Variants in ABI3BP observed in about 807,000 individuals in gnomAD.
ABI3BP encodes target of Nesh-SH3.
ABI3BP carries 216 observed loss-of-function variants against 268.6 expected under a neutral mutation model. The observed-to-expected ratio is 0.80, with a 90% CI of 0.72 to 0.90. The LOEUF is 0.90. Among genes scored for constraint, ABI3BP ranks in the 40% least tolerant of loss-of-function variants. The probability of loss-of-function intolerance (pLI) is 0.00; values close to 1 mark genes in which losing one functional copy is unlikely to be tolerated. For synonymous variants in ABI3BP, 730 were observed against 730.0 expected, an observed-to-expected ratio of 1.00 and a Z score of 0.00; for missense variants, 2,090 against 2,182.4, an observed-to-expected ratio of 0.96 and a Z score of 0.84.
At chr3:100,812,985 A>AATT (rs1388519470) in intron 45 of ABI3BP, among the ~76,000 whole-genome samples, 1 of 152,076 alleles carries the variant, frequency 6.6e-6, no homozygotes, top group African/African-American at 2.4e-5. Flanking sequence ...GGCTCAAGCG[A>AATT]TCCTCCTACC....
At chr3:100,876,442 G>T in intron 7 of ABI3BP, 70 bp downstream of exon 7, 1 of 1,315,352 alleles carries the variant, frequency 7.6e-7, no homozygotes, top group Non-Finnish European at 1.1e-6. Context: ...AATATGTGCC[G>T]TGTTTGATTA....
chr3:100,838,226 C>T lies in ABI3BP; in HGVS notation c.2067G>A (p.Met689Ile), dbSNP rs2098634742. Residue 689 changes from methionine to isoleucine, a missense_variant, in exon 26 of 68, where the codon ATG (methionine) becomes ATA (isoleucine). By Grantham distance (10) the Met-to-Ile change is conservative. Coordinates refer to ENST00000471714, the MANE Select transcript of ABI3BP (RefSeq NM_001375547.2). The part of the protein sequence containing the change: ...PKPQTTAEPD[M>I]PPTKSVSEPV... ...TATGTTTACCGGATTTAGTTGGTGG[C>T]ATGTCTGGTTCTGCTGTGGTTTGGG... The T allele has an allele frequency of 1.3e-6, 2 of 1,536,230 alleles. No individual in the cohort carries two copies. Among genetic ancestry groups the T allele is most frequent in the Non-Finnish European group, 1.7e-6 (2 of 1,146,700 alleles).
rs370968686 is a variant in ABI3BP, at chr3:100,886,164, G to C, written c.621C>G (p.Phe207Leu). 1 of 1,598,250 alleles carries C rather than the reference G, an allele frequency of 6.3e-7. No individual in the cohort carries two copies. Among genetic ancestry groups the C allele is most frequent in the Non-Finnish European group, 8.5e-7 (1 of 1,173,032 alleles). Reference protein sequence around the residue: ...NVEGGIWSKIFNHKTVVGSKK... With the variant: ...NVEGGIWSKILNHKTVVGSKK... ...TACTTCCAACAACAGTCTTGTGATT[G>C]AAAATCTTACTCCAAATTCCACCTT... Residue 207 changes from phenylalanine (F) to leucine (L), a missense_variant, in exon 5 of 68, where the codon TTC (phenylalanine) becomes TTG (leucine). Transcript: ENST00000471714.
intron 4 of ABI3BP, among the ~76,000 whole-genome samples, chr3:100,897,324 C>T (rs1452107024): frequency 6.6e-6 from 1 of 151,960 alleles, no homozygotes; most frequent in African/African-American, 2.4e-5. Context: ...TCAGAAATTC[C>T]ACTTATGTTT....
intron 66 of ABI3BP, 100 bp from the exon 67 acceptor site, chr3:100,751,774 T>C: frequency 3.2e-6 from 4 of 1,240,290 alleles, no homozygotes; most frequent in Non-Finnish European, 4.4e-6. Context: ...CTCCCCTCAT[T>C]CTCTATTACC....
chr3:100,818,434 C>T, intron 41 of ABI3BP, 91 bp downstream of exon 41: 1 of 1,062,920 alleles, frequency 9.4e-7, no homozygotes, highest in South Asian at 1.4e-5. Context: ...CAAAGAATGA[C>T]AGGATGGTCT....
At chr3:100,859,560 AAATAG>A (rs1177106510) in intron 14 of ABI3BP, among the ~76,000 whole-genome samples, 3 of 151,940 alleles carry the variant, frequency 2.0e-5, no homozygotes, top group Non-Finnish European at 4.4e-5. Context: ...ACTAAATGGG[AAATAG>A]AACATTAGTA....
chr3:100,792,555 T>G (rs775717982), intron 55 of ABI3BP, 136 bp downstream of exon 55: 2 of 837,944 alleles, frequency 2.4e-6, no homozygotes, highest in Non-Finnish European at 3.8e-6. Flanking sequence ...ATTTGGCTGA[T>G]TTCTTTCACC....
chr3:100,789,413 C>T, intron 56 of ABI3BP, 41 bp downstream of exon 56: 1 of 1,567,162 alleles, frequency 6.4e-7, no homozygotes, highest in Non-Finnish European at 8.7e-7. Context: ...CATATCTTCC[C>T]CTGCCTGCTG....
intron 1 of ABI3BP, among the ~76,000 whole-genome samples, chr3:100,939,849 C>T (rs1268126266): frequency 6.6e-6 from 1 of 151,962 alleles, no homozygotes; most frequent in Non-Finnish European, 1.5e-5. Context: ...TATTTCACCC[C>T]TAGAGTCTAT....
intron 20 of ABI3BP, chr3:100,843,537 G>A (rs1273751127): frequency 1.2e-6 from 1 of 867,782 alleles, no homozygotes; most frequent in Non-Finnish European, 1.4e-6. Flanking sequence ...GTGTGTGTGT[G>A]TGTGTGAGAG....
chr3:100,850,153 T>A, intron 16 of ABI3BP, 34 bp from the exon 17 acceptor site: 1 of 1,578,194 alleles, frequency 6.3e-7, no homozygotes, highest in Non-Finnish European at 8.6e-7. Context: ...CATCAAATAA[T>A]CCCAGTTAAA....
chr3:100,811,370 C>A lies in ABI3BP; in HGVS notation c.3494-93G>T, dbSNP rs192099446. On this transcript the variant is annotated intron_variant, in intron 47 of 67. Coordinates refer to ENST00000471714, the MANE Select transcript of ABI3BP (RefSeq NM_001375547.2). ...ATCAAATTTTATTAATAATTTGCAT[C>A]ATAATTTTACAGACAGGACAATGGA... The A allele has an allele frequency of 7.5e-5, 71 of 952,230 alleles. No individual in the cohort carries two copies. The African/African-American group carries it at 1.2e-3, about 16-fold the overall frequency. The allele number at this position is 952,230 out of a possible 1,614,324, so 59.0% of individuals were successfully genotyped here.
chr3:100,805,002 G>C (rs2097662141), intron 50 of ABI3BP, 136 bp from the exon 51 acceptor site: 1 of 685,030 alleles, frequency 1.5e-6, no homozygotes. Flanking sequence ...GAAGGAGTTA[G>C]AAAGAAGACC....
intron 63 of ABI3BP, among the ~76,000 whole-genome samples, chr3:100,762,531 A>G (rs2096028442): frequency 1.3e-5 from 2 of 152,144 alleles, no homozygotes; most frequent in African/African-American, 4.8e-5. Context: ...CTTACTTGGT[A>G]TGCTTTTTTT....
rs189149073 is a variant in ABI3BP, at chr3:100,894,740, A to C, written c.461+4022T>G. On this transcript the variant is annotated intron_variant, in intron 4 of 67. Coordinates refer to ENST00000471714, the MANE Select transcript of ABI3BP (RefSeq NM_001375547.2). Reference sequence around the variant, plus strand: ...AGATCACGAGGTCAGGAGATCAAGAACATCCTGGCTAACACGGTGAAACCC... The same window carrying C: ...AGATCACGAGGTCAGGAGATCAAGACCATCCTGGCTAACACGGTGAAACCC... Among the ~76,000 whole-genome samples, 1,271 of 151,864 alleles carry C rather than the reference A, an allele frequency of 8.4e-3. 17 individuals carry two copies. Among genetic ancestry groups the C allele is most frequent in the East Asian group, 0.034 (175 of 5,140 alleles).
At chr3:100,960,713 AGGAAG>A (rs1179808397) in intron 1 of ABI3BP, among the ~76,000 whole-genome samples, 1 of 152,224 alleles carries the variant, frequency 6.6e-6, no homozygotes, top group Non-Finnish European at 1.5e-5. Context: ...TTGAAGATGA[AGGAAG>A]GGAACCACAT....
rs562046124 is a variant in ABI3BP at position 100,843,419 on chromosome 3, TGTGA to T, written c.1724-1384_1724-1381del. 2.3e-3 allele frequency among the ~76,000 whole-genome samples: 298 copies of T among 127,962 alleles called. 12 individuals carry two copies. In the South Asian group the frequency reaches 0.067, roughly 29 times the overall value. The allele number at this position is 127,962 out of a possible 152,430, so 83.9% of individuals were successfully genotyped here. ...AATTCTGAGTGTGTGTGTGTGTGTG[TGTGA>T]GTGAGTCTGTATGACAGAAGAGAGA... is the stretch of plus-strand genomic sequence containing the variant. On this transcript the variant is annotated intron_variant, in intron 20 of 67. Transcript: ENST00000471714.
chr3:100,928,628 C>T (rs2062628586), intron 1 of ABI3BP, among the ~76,000 whole-genome samples: 1 of 152,038 alleles, frequency 6.6e-6, no homozygotes, highest in East Asian at 1.9e-4. Flanking sequence ...CTTCTTGAAT[C>T]TCAGACTGCT....
Sources: gnomAD v4.1 joint callset for allele counts (sites outside exome capture counted in the v4.1 genomes callset) on GRCh38, gnomAD v4.1.1 for gene constraint, MANE v1.5 for transcripts, NCBI Gene and HGNC (gene_info 2026-07-23, HGNC 2026-07-21) for gene names.